Variants in RNF228 observed in about 807,000 individuals in gnomAD.
RNF228 encodes the protein ring finger protein 228.
chr2:222,317,745 A>C, the RNF228 span: 1 of 152,340 alleles, frequency 6.6e-6, no homozygotes, highest in South Asian at 2.1e-4. Context: ...CTTTCTAATA[A>C]GTGTATACGA....
chr2:222,317,613 C>G, the RNF228 span: 4 of 152,122 alleles, frequency 2.6e-5, no homozygotes, highest in African/African-American at 9.7e-5. Context: ...CATATACTGG[C>G]AATTCATCTT....
At chr2:222,317,061 A>G in the RNF228 span, among the ~76,000 whole-genome samples, 1 of 152,206 alleles carries the variant, frequency 6.6e-6, no homozygotes, top group Non-Finnish European at 1.5e-5. Flanking sequence ...CATTATTCCT[A>G]GAAATAATCC....
At chr2:222,319,649 G>T in the RNF228 span, among the ~76,000 whole-genome samples, 1 of 145,170 alleles carries the variant, frequency 6.9e-6, no homozygotes, top group South Asian at 2.2e-4. The surrounding 1 kb of genome is among the most constrained non-coding windows in gnomAD (Gnocchi z 7.6). Flanking sequence ...TGGTGTTGTT[G>T]GGCAGGCCGT....
At chr2:222,320,135 G>A in the RNF228 span, among the ~76,000 whole-genome samples, 1 of 152,088 alleles carries the variant, frequency 6.6e-6, no homozygotes, top group Admixed American at 6.5e-5. Context: ...CCTGGGCTCC[G>A]GGCGGGGAGG....
chr2:222,316,173 T>C, the RNF228 span, among the ~76,000 whole-genome samples: 3 of 152,296 alleles, frequency 2.0e-5, no homozygotes, highest in South Asian at 6.2e-4. Flanking sequence ...TCCACGTAAA[T>C]ATAAATGATT....
At chr2:222,319,412 G>T in the RNF228 span, 2 of 262,036 alleles carry the variant, frequency 7.6e-6, no homozygotes, top group Non-Finnish European at 1.4e-5. This position sits in a 1 kb window ranked among gnomAD's most constrained non-coding sequence, Gnocchi z 7.6. Context: ...TGTCGTAGGC[G>T]CCCGGGGCGC....
the RNF228 span, among the ~76,000 whole-genome samples, chr2:222,315,472 C>G: frequency 6.6e-6 from 1 of 152,160 alleles, no homozygotes; most frequent in Non-Finnish European, 1.5e-5. Context: ...CAGGGCAGAC[C>G]TCTCTGGGGA....
At chr2:222,317,287 C>T in the RNF228 span, 2 of 152,150 alleles carry the variant, frequency 1.3e-5, no homozygotes, top group Non-Finnish European at 2.9e-5. Context: ...ACAATGCAGA[C>T]ATAAAACACT....
At chr2:222,317,002 G>A in the RNF228 span, among the ~76,000 whole-genome samples, 1 of 152,176 alleles carries the variant, frequency 6.6e-6, no homozygotes, top group Non-Finnish European at 1.5e-5. Context: ...AAATATGTAA[G>A]TTACTTCTCT....
chr2:222,318,256 T>G, the RNF228 span: 1 of 152,264 alleles, frequency 6.6e-6, no homozygotes, highest in Non-Finnish European at 1.5e-5. Context: ...TTCTAGGCTC[T>G]GCTCCAGACA....
chr2:222,320,015 G>A, the RNF228 span, among the ~76,000 whole-genome samples: 2 of 152,154 alleles, frequency 1.3e-5, no homozygotes, highest in South Asian at 2.1e-4. Flanking sequence ...TCCCGGGGCT[G>A]CTGCTTGGGC....
the RNF228 span, chr2:222,318,077 G>A: frequency 6.6e-6 from 1 of 152,224 alleles, no homozygotes; most frequent in African/African-American, 2.4e-5. Flanking sequence ...AGAAAATCTA[G>A]TTTATATTCT....
the RNF228 span, chr2:222,318,600 C>T: frequency 2.6e-5 from 4 of 152,444 alleles, no homozygotes; most frequent in Admixed American, 2.0e-4. Flanking sequence ...AAGAAACTCT[C>T]AAGTCCTGGC....
the RNF228 span, chr2:222,319,291 A>T: frequency 2.9e-6 from 1 of 343,228 alleles, no homozygotes; most frequent in Non-Finnish European, 5.3e-6. This position sits in a 1 kb window ranked among gnomAD's most constrained non-coding sequence, Gnocchi z 7.6. Context: ...CCGCCGCCGT[A>T]GTGGTTGACG....
the RNF228 span, among the ~76,000 whole-genome samples, chr2:222,315,481 G>T: frequency 6.6e-6 from 1 of 152,308 alleles, no homozygotes; most frequent in East Asian, 1.9e-4. Context: ...CCTCTCTGGG[G>T]AGGTAATATT....
At chr2:222,315,003 G>A in the RNF228 span, among the ~76,000 whole-genome samples, 11 of 151,906 alleles carry the variant, frequency 7.2e-5, no homozygotes, top group Non-Finnish European at 1.3e-4. Context: ...GGTTCCTATC[G>A]CTGAATATAA....
At chr2:222,318,191 C>T in the RNF228 span, 1 of 152,270 alleles carries the variant, frequency 6.6e-6, no homozygotes, top group African/African-American at 2.4e-5. Flanking sequence ...TTACAGAAGA[C>T]TTCCTGGCAG....
chr2:222,316,004 T>A, the RNF228 span, among the ~76,000 whole-genome samples: 1 of 151,854 alleles, frequency 6.6e-6, no homozygotes, highest in Non-Finnish European at 1.5e-5. Context: ...GTAGTAGAGG[T>A]GTCCAGGATT....
At chr2:222,314,932 A>T in the RNF228 span, among the ~76,000 whole-genome samples, 2 of 152,218 alleles carry the variant, frequency 1.3e-5, no homozygotes, top group South Asian at 4.1e-4. Flanking sequence ...GATACCTTAA[A>T]ATGTCACACA....
Sources: gnomAD v4.1 joint callset for allele counts (sites outside exome capture counted in the v4.1 genomes callset) on GRCh38, gnomAD v4.1.1 for gene constraint, Gnocchi (gnomAD v3.1) non-coding constraint, MANE v1.5 for transcripts, NCBI Gene and HGNC (gene_info 2026-07-23, HGNC 2026-07-21) for gene names.